Variants in WNT9A observed in about 807,000 individuals in gnomAD.
WNT9A encodes the protein Wnt family member 9A.
In WNT9A, 8 loss-of-function variants were observed where a neutral mutation model predicts 31.4. The observed-to-expected ratio is 0.26, with a 90% CI of 0.15 to 0.46. The LOEUF (loss-of-function observed/expected upper bound fraction) is 0.46. Ranked by LOEUF, WNT9A falls within the 20% of genes least tolerant of loss-of-function variation. The probability of loss-of-function intolerance (pLI) is 0.99; values close to 1 mark genes in which losing one functional copy is unlikely to be tolerated. For synonymous variants in WNT9A, 236 were observed against 220.1 expected, an observed-to-expected ratio of 1.07 and a Z score of -0.64; for missense variants, 457 against 522.9, an observed-to-expected ratio of 0.87 and a Z score of 1.23.
chr1:227,940,765 G>A (rs1193914559), intron 1 of WNT9A, among the ~76,000 whole-genome samples: 2 of 152,256 alleles, frequency 1.3e-5, no homozygotes, highest in African/African-American at 4.8e-5. Flanking sequence ...CTGAGGTGCT[G>A]CAACTGCCAG....
At chr1:227,924,446 T>C in intron 2 of WNT9A, 46 bp from the exon 3 acceptor site, 3 of 1,581,280 alleles carry the variant, frequency 1.9e-6, no homozygotes, top group Non-Finnish European at 8.6e-7. Context: ...TGCCCAGAGT[T>C]CCCCCTTCAC....
Position 227,947,915 on chromosome 1 carries a change from G to A in WNT9A, c.-28C>T, listed in dbSNP as rs1456129719. On this transcript the variant is annotated 5_prime_UTR_variant, in exon 1 of 4. Transcript: ENST00000272164. ...TGCCGCGCCTCGGCGGCCGACCATC[G>A]CGCTCCCAGCTCCGCGCAGGGCGCG... is the stretch of plus-strand genomic sequence containing the variant. 1.1e-5 allele frequency: 12 copies of A among 1,044,832 alleles called. No individual in the cohort carries two copies. The highest frequency in any genetic ancestry group is 1.4e-5 in the Non-Finnish European group (12 of 868,640). The allele number at this position is 1,044,832 out of a possible 1,614,324, so 64.7% of individuals were successfully genotyped here. A position where few individuals can be genotyped will look rare whatever the true frequency, so the allele number is the denominator to read the frequency against.
At chr1:227,939,162 C>CCA (rs1174400638) in intron 1 of WNT9A, among the ~76,000 whole-genome samples, 1 of 152,244 alleles carries the variant, frequency 6.6e-6, no homozygotes, top group African/African-American at 2.4e-5. Context: ...GGCTGCCATG[C>CCA]CACAGGGCAC....
intron 1 of WNT9A, among the ~76,000 whole-genome samples, chr1:227,947,401 G>C (rs568825147): frequency 8.5e-5 from 13 of 152,308 alleles, no homozygotes; most frequent in East Asian, 7.7e-4. Context: ...GAAGAGAAAG[G>C]GGGGGAAGCT....
chr1:227,927,026 C>T (rs972729508), intron 1 of WNT9A, among the ~76,000 whole-genome samples: 1 of 152,264 alleles, frequency 6.6e-6, no homozygotes, highest in Admixed American at 6.5e-5. Flanking sequence ...AGGAGCCACC[C>T]ACCTGGTGGT....
At chr1:227,922,505 GACCCCCA>G (rs1666340260) in intron 3 of WNT9A, among the ~76,000 whole-genome samples, 1 of 152,196 alleles carries the variant, frequency 6.6e-6, no homozygotes, top group Admixed American at 6.5e-5. Context: ...ATGCAGACGC[GACCCCCA>G]ACCCACCGGT....
intron 1 of WNT9A, among the ~76,000 whole-genome samples, chr1:227,938,169 T>A (rs904311563): frequency 1.3e-5 from 2 of 151,996 alleles, no homozygotes; most frequent in Admixed American, 6.6e-5. Flanking sequence ...TTTCATCAGC[T>A]CTTTGACACT....
In WNT9A at chr1:227,931,880, C is replaced by CTTTT. The variant is rs33949354; in HGVS notation, c.96-6365_96-6362dup. On this transcript the variant is annotated intron_variant, in intron 1 of 3. Coordinates refer to ENST00000272164, the MANE Select transcript of WNT9A (RefSeq NM_003395.4). ...AAGTTTGGGGTGGCTGTGGAAATGTCTTTTTTTTTTTTTTGTATCTTTAGT... is the reference window on the plus strand; with the variant it reads ...AAGTTTGGGGTGGCTGTGGAAATGTCTTTTTTTTTTTTTTTTTTGTATCTTTAGT... 3.9e-4 allele frequency among the ~76,000 whole-genome samples: 56 copies of CTTTT among 142,608 alleles called. 1 individual carries two copies. The highest frequency in any genetic ancestry group is 5.4e-4 in the African/African-American group (21 of 38,770). 93.6% of individuals were successfully genotyped at this position (142,608 alleles called of 152,430 possible).
At chr1:227,924,088 A>G in intron 3 of WNT9A, 50 bp downstream of exon 3, 1 of 339,394 alleles carries the variant, frequency 2.9e-6, no homozygotes, top group Non-Finnish European at 4.4e-6. Context: ...CAACCCCCTG[A>G]CGCTCTTTCT....
At position 227,921,539 on chromosome 1, in the gene WNT9A, C is replaced by T. The variant is rs775200981; in HGVS notation, c.1077G>A (p.Glu359=). The T allele has an allele frequency of 1.9e-6, 3 of 1,611,208 alleles. No individual in the cohort carries two copies. In the East Asian group the frequency reaches 6.7e-5, roughly 36 times the overall value. Residue 359 remains glutamate, a synonymous_variant, in exon 4 of 4, where the codon GAG becomes GAA. Coordinates refer to ENST00000272164, the MANE Select transcript of WNT9A (RefSeq NM_003395.4). ...GAACTCAGCCCTTGCAGGTGTAGACCTCCTCACGCTGCGTGCACTGCCTGC... is the reference window on the plus strand; with the variant it reads ...GAACTCAGCCCTTGCAGGTGTAGACTTCCTCACGCTGCGTGCACTGCCTGC... ...VECRQCTQRE[E]VYTCKG
intron 1 of WNT9A, among the ~76,000 whole-genome samples, chr1:227,943,703 C>G (rs1049172697): frequency 5.3e-5 from 8 of 152,334 alleles, no homozygotes; most frequent in Admixed American, 2.6e-4. Context: ...AGGCGGGGAG[C>G]AAGGGCTCAC....
chr1:227,938,460 C>G (rs935415492), intron 1 of WNT9A, among the ~76,000 whole-genome samples: 1 of 151,720 alleles, frequency 6.6e-6, no homozygotes, highest in African/African-American at 2.4e-5. Context: ...CAGACACATG[C>G]ATACACACAT....
intron 1 of WNT9A, among the ~76,000 whole-genome samples, chr1:227,940,750 T>C (rs16848223): frequency 0.044 from 6,765 of 152,316 alleles, 326 homozygotes; most frequent in African/African-American, 0.12. Context: ...ATCCGGCCAC[T>C]GGTCCTGAGG....
intron 1 of WNT9A, among the ~76,000 whole-genome samples, chr1:227,935,828 G>C (rs1466496256): frequency 1.3e-5 from 2 of 152,182 alleles, no homozygotes; most frequent in Non-Finnish European, 2.9e-5. Flanking sequence ...CACCTTCAAT[G>C]CTATACCATG....
At chr1:227,924,610 G>C (rs909197875) in intron 2 of WNT9A, among the ~76,000 whole-genome samples, 1 of 152,072 alleles carries the variant, frequency 6.6e-6, no homozygotes, top group African/African-American at 2.4e-5. Flanking sequence ...TGGCTGGGGG[G>C]AGAAACCAGA....
intron 1 of WNT9A, among the ~76,000 whole-genome samples, chr1:227,930,201 G>A (rs997688992): frequency 9.9e-5 from 15 of 152,190 alleles, no homozygotes; most frequent in African/African-American, 3.6e-4. Context: ...GTGTCACGTG[G>A]TCCATGAGCA....
Position 227,942,468 on chromosome 1 carries a change from C to T in WNT9A, c.95+5325G>A, listed in dbSNP as rs907879251. The stretch of plus-strand genomic sequence containing the variant: ...AGCACCTGGGTCCCTCTACTGGCCA[C>T]GGGGTCCCAGTCCAGGAGTCCTGGA... On this transcript the variant is annotated intron_variant, in intron 1 of 3. Transcript: ENST00000272164. The surrounding 1 kb of genome is among the most constrained non-coding windows in gnomAD (Gnocchi z 5.7). Among the ~76,000 whole-genome samples the T allele has an allele frequency of 4.6e-5, 7 of 152,124 alleles. No individual in the cohort carries two copies. Among genetic ancestry groups the T allele is most frequent in the East Asian group, 1.9e-4 (1 of 5,182 alleles).
intron 1 of WNT9A, among the ~76,000 whole-genome samples, chr1:227,930,641 A>C (rs1464322160): frequency 6.6e-6 from 1 of 152,254 alleles, no homozygotes; most frequent in Non-Finnish European, 1.5e-5. Context: ...AATGCTTTCA[A>C]CATTTCAGCA....
chr1:227,947,856 A>G lies in WNT9A; in HGVS notation c.32T>C (p.Leu11Pro). 1.8e-6 allele frequency: 2 copies of G among 1,086,504 alleles called. No homozygotes were observed. The highest frequency in any genetic ancestry group is 5.7e-5 in the East Asian group (1 of 17,494). The allele number at this position is 1,086,504 out of a possible 1,614,324, so 67.3% of individuals were successfully genotyped here. ...CAGCGTCAGCCCGAAGGCCGCGGCCAGCCAGCGCGCCAGCGGGGACCCATC... is the reference window on the plus strand; with the variant it reads ...CAGCGTCAGCCCGAAGGCCGCGGCCGGCCAGCGCGCCAGCGGGGACCCATC... MLDGSPLARW[L>P]AAAFGLTLLL... Residue 11 changes from leucine to proline, a missense_variant, in exon 1 of 4, where the codon CTG becomes CCG. By Grantham distance (98) the Leu-to-Pro change is moderately conservative. Coordinates refer to ENST00000272164, the MANE Select transcript of WNT9A (RefSeq NM_003395.4).
Sources: gnomAD v4.1 joint callset for allele counts (sites outside exome capture counted in the v4.1 genomes callset) on GRCh38, gnomAD v4.1.1 for gene constraint, Gnocchi (gnomAD v3.1) non-coding constraint, MANE v1.5 for transcripts, NCBI Gene and HGNC (gene_info 2026-07-23, HGNC 2026-07-21) for gene names.